Variants in C5 observed in about 807,000 individuals in gnomAD.
C5 encodes the protein C3 and PZP-like alpha-2-macroglobulin domain-containing protein 4.
A neutral mutation model predicts 218.8 loss-of-function variants in C5; 140 were observed. That is an observed-to-expected ratio of 0.64 (90% CI 0.56 to 0.74). The LOEUF is 0.74. C5 is among the 30% of genes least tolerant of loss of function. The probability of loss-of-function intolerance (pLI) is 0.00; values close to 1 mark genes in which losing one functional copy is unlikely to be tolerated. For synonymous variants in C5, 614 were observed against 682.3 expected (o/e 0.90, Z 1.56); for missense variants, 1,700 against 1,969.6 (o/e 0.86, Z 2.59).
chr9:120,974,670 C>T (rs1456458459), intron 30 of C5, 109 bp downstream of exon 30: 6 of 1,056,022 alleles, frequency 5.7e-6, no homozygotes, highest in South Asian at 1.3e-5. Flanking sequence ...AGCTGACACT[C>T]AATATATGTT....
At position 121,015,181 on chromosome 9, in the gene C5, A is replaced by G; in HGVS notation, c.2059+18T>C. 1.3e-6 allele frequency: 2 copies of G among 1,537,124 alleles called. No homozygotes were observed. Among genetic ancestry groups the G allele is most frequent in the Non-Finnish European group, 1.8e-6 (2 of 1,111,630 alleles). On this transcript the variant is annotated intron_variant, in intron 16 of 40. Coordinates refer to ENST00000223642, the MANE Select transcript of C5 (RefSeq NM_001735.3). ...ATATGACCATAACCTTTTTACAATCACATGAATCTTACAGTACCTATTTCT... is the reference window on the plus strand; with the variant it reads ...ATATGACCATAACCTTTTTACAATCGCATGAATCTTACAGTACCTATTTCT...
intron 12 of C5, among the ~76,000 whole-genome samples, chr9:121,019,195 C>T (rs1016150039): frequency 7.3e-5 from 11 of 151,460 alleles, no homozygotes; most frequent in Admixed American, 7.2e-4. Context: ...TTAAATTGTC[C>T]TTAGAGACCA....
chr9:121,059,111 G>C, the C5 span, among the ~76,000 whole-genome samples: 1 of 152,226 alleles, frequency 6.6e-6, no homozygotes, highest in Non-Finnish European at 1.5e-5. The surrounding 1 kb of genome is among the most constrained non-coding windows in gnomAD (Gnocchi z 4.1). Flanking sequence ...GGGAAAAATA[G>C]AGAAGGAAGC....
intron 25 of C5, among the ~76,000 whole-genome samples, chr9:120,988,732 G>A (rs556237699): frequency 1.2e-4 from 19 of 152,318 alleles, no homozygotes; most frequent in Admixed American, 9.1e-4. Flanking sequence ...TTCAGTTGCT[G>A]TGTTGAGTAT....
intron 4 of C5, among the ~76,000 whole-genome samples, chr9:121,037,603 G>A (rs908707976): frequency 2.0e-5 from 3 of 152,210 alleles, no homozygotes; most frequent in South Asian, 4.2e-4. Flanking sequence ...GAGCCACCAC[G>A]CCCGGCCAGT....
chr9:120,953,956 C>T (rs2046767005), intron 39 of C5, 88 bp from the exon 40 acceptor site: 37 of 1,412,504 alleles, frequency 2.6e-5, no homozygotes, highest in Non-Finnish European at 3.7e-5. Context: ...TTCCTCGTGG[C>T]TATTGAGAGG....
At chr9:121,073,340 T>C in the C5 span, among the ~76,000 whole-genome samples, 8 of 152,096 alleles carry the variant, frequency 5.3e-5, no homozygotes, top group African/African-American at 1.9e-4. Flanking sequence ...CTTCCCCACC[T>C]CCCTACTCCT....
In C5 at chr9:120,976,694, T is replaced by C; in HGVS notation, c.3864+6A>G. The C allele has an allele frequency of 6.2e-7, 1 of 1,611,178 alleles. No individual in the cohort carries two copies. Among genetic ancestry groups the C allele is most frequent in the Middle Eastern group, 1.7e-4 (1 of 6,056 alleles). On this transcript the variant is annotated splice_donor_region_variant and intron_variant, in intron 29 of 40. Transcript: ENST00000223642. ...AGGGAGATGAAACAAGACAAAGAAA[T>C]GTTACCTGGGTTGAATAAAAGCCAC...
At chr9:120,959,646 A>G (rs894760438) in intron 38 of C5, among the ~76,000 whole-genome samples, 3 of 152,160 alleles carry the variant, frequency 2.0e-5, no homozygotes, top group African/African-American at 7.2e-5. Flanking sequence ...AGCAATAAAC[A>G]TCAAAAACTG....
In C5 at chr9:120,963,640, T is replaced by G; in HGVS notation, c.4319A>C (p.Lys1440Thr). 6.2e-7 allele frequency: 1 copy of G among 1,607,546 alleles called. No homozygotes were observed. Among genetic ancestry groups the G allele is most frequent in the South Asian group, 1.1e-5 (1 of 90,930 alleles). The change falls in exon 34 of 41, where the codon AAA becomes ACA. Residue 1440 changes from lysine (K) to threonine (T), a missense_variant. By Grantham distance (78) the Lys-to-Thr change is moderately conservative (BLOSUM62 -1). Coordinates refer to ENST00000223642, the MANE Select transcript of C5 (RefSeq NM_001735.3). ...GATTTAAAAGAAAACACATACGGCT[T>G]TTAAGTCTTCTTCATTTGCACTGAT... is the stretch of plus-strand genomic sequence containing the variant. Reference protein sequence around the residue: ...TGISANEEDLKALVEGVDQLF... With the variant: ...TGISANEEDLTALVEGVDQLF...
At chr9:121,070,440 GTATGTGTA>G in the C5 span, among the ~76,000 whole-genome samples, 2 of 125,224 alleles carry the variant, frequency 1.6e-5, no homozygotes, top group African/African-American at 6.7e-5. Flanking sequence ...TGTATATTCT[GTATGTGTA>G]TATATATATG....
At position 120,952,819 on chromosome 9, in the gene C5, C is replaced by G. The variant is rs1208134968; in HGVS notation, c.4951G>C (p.Asp1651His). Residue 1651 changes from aspartate (D) to histidine (H), a missense_variant, in exon 41 of 41, where the codon GAC becomes CAC. By Grantham distance (81) the Asp-to-His change is moderately conservative (BLOSUM62 -1). Coordinates refer to ENST00000223642, the MANE Select transcript of C5 (RefSeq NM_001735.3). ...GCTTGACACGATGAACATGTTGTGTCTCTAGGCCAGTATTCAATCCAGGTC... is the reference window on the plus strand; with the variant it reads ...GCTTGACACGATGAACATGTTGTGTGTCTAGGCCAGTATTCAATCCAGGTC... Reference protein sequence around the residue: ...SLTWIEYWPRDTTCSSCQAFL... With the variant: ...SLTWIEYWPRHTTCSSCQAFL... 1 of 1,613,948 alleles carries G rather than the reference C, an allele frequency of 6.2e-7. No individual in the cohort carries two copies. Among genetic ancestry groups the G allele is most frequent in the African/African-American group, 1.3e-5 (1 of 75,060 alleles).
intron 14 of C5, among the ~76,000 whole-genome samples, chr9:121,016,730 T>G (rs970161096): frequency 1.3e-5 from 2 of 152,230 alleles, no homozygotes; most frequent in African/African-American, 4.8e-5. Context: ...CATGAAGGAC[T>G]GAATTAACAT....
At chr9:121,073,511 C>CTTTTTT in the C5 span, among the ~76,000 whole-genome samples, 10 of 73,010 alleles carry the variant, frequency 1.4e-4, no homozygotes, top group Non-Finnish European at 1.8e-4. Flanking sequence ...GAAAACTGGA[C>CTTTTTT]TTTTTTTTTT....
At chr9:121,043,325 G>A (rs1034747929) in intron 2 of C5, among the ~76,000 whole-genome samples, 159 bp from the exon 3 acceptor site, 1 of 152,138 alleles carries the variant, frequency 6.6e-6, no homozygotes, top group Admixed American at 6.5e-5. Context: ...AATTTTGCCC[G>A]AAGCCCTTCA....
At chr9:120,965,521 A>T (rs996340264) in intron 33 of C5, among the ~76,000 whole-genome samples, 4 of 146,994 alleles carry the variant, frequency 2.7e-5, no homozygotes, top group African/African-American at 5.0e-5. Context: ...CTCTGCCTCA[A>T]AAATAAATAA....
At chr9:121,008,342 G>T in intron 18 of C5, 66 bp downstream of exon 18, 1 of 1,132,162 alleles carries the variant, frequency 8.8e-7, no homozygotes, top group Non-Finnish European at 1.3e-6. Flanking sequence ...GTAGTTTCTA[G>T]ATTTTTGGCC....
intron 7 of C5, among the ~76,000 whole-genome samples, chr9:121,028,488 T>C (rs1385050024): frequency 2.0e-5 from 3 of 152,142 alleles, no homozygotes; most frequent in Non-Finnish European, 4.4e-5. Flanking sequence ...ATGTGGCACA[T>C]ATACACCATG....
At chr9:121,074,462 T>A in the C5 span, among the ~76,000 whole-genome samples, 1 of 152,304 alleles carries the variant, frequency 6.6e-6, no homozygotes, top group Admixed American at 6.5e-5. Flanking sequence ...CGCTTTGAGG[T>A]TCATCCGAGC....
Sources: gnomAD v4.1 joint callset for allele counts (sites outside exome capture counted in the v4.1 genomes callset) on GRCh38, gnomAD v4.1.1 for gene constraint, Gnocchi (gnomAD v3.1) non-coding constraint, MANE v1.5 for transcripts, NCBI Gene and HGNC (gene_info 2026-07-23, HGNC 2026-07-21) for gene names.